Variants in WARS2 observed in about 807,000 individuals in gnomAD.
WARS2 encodes the protein tryptophanyl tRNA synthetase 2, mitochondrial.
Under a neutral mutation model 36.5 loss-of-function variants are expected in WARS2, and 28 were observed. The ratio of observed to expected loss-of-function variants is 0.77; its 90% CI spans 0.57 to 1.05. WARS2 has a LOEUF of 1.05. Among genes scored for constraint, WARS2 ranks in the 50% least tolerant of loss-of-function variants. WARS2 has a pLI of 0.00. For synonymous variants in WARS2, 174 were observed against 178.4 expected, an observed-to-expected ratio of 0.98 and a Z score of 0.20; for missense variants, 435 against 456.8, an observed-to-expected ratio of 0.95 and a Z score of 0.44.
intron 1 of WARS2, among the ~76,000 whole-genome samples, chr1:119,118,222 T>C (rs1362531610): frequency 6.6e-6 from 1 of 151,950 alleles, no homozygotes; most frequent in South Asian, 2.1e-4. Flanking sequence ...TAAATAGATA[T>C]GGTAAAGAAA....
chr1:119,085,889 C>T, intron 1 of WARS2: 1 of 1,610,610 alleles, frequency 6.2e-7, no homozygotes, highest in Non-Finnish European at 8.5e-7. Flanking sequence ...CCTTATCGGC[C>T]ACCCCAAGCT....
At chr1:119,103,687 A>G (rs1285896127) in intron 1 of WARS2, among the ~76,000 whole-genome samples, 1 of 151,892 alleles carries the variant, frequency 6.6e-6, no homozygotes, top group African/African-American at 2.4e-5. Flanking sequence ...AACTATATAA[A>G]TTAAAAGGTA....
At chr1:119,056,332 T>G (rs1649807284) in intron 2 of WARS2, among the ~76,000 whole-genome samples, 1 of 151,134 alleles carries the variant, frequency 6.6e-6, no homozygotes, top group African/African-American at 2.4e-5. Flanking sequence ...CCATCACGCC[T>G]GGCCCATACC....
chr1:119,091,597 C>G (rs1410108247), intron 1 of WARS2, among the ~76,000 whole-genome samples: 1 of 152,160 alleles, frequency 6.6e-6, no homozygotes, highest in Non-Finnish European at 1.5e-5. Flanking sequence ...TCTTACACTG[C>G]TCACGCTAAA....
chr1:119,046,318 G>T (rs1571268431), intron 2 of WARS2, among the ~76,000 whole-genome samples: 6 of 107,536 alleles, frequency 5.6e-5, no homozygotes, highest in South Asian at 3.4e-4. Context: ...TTAAGAAGAA[G>T]TCTAATCAGC....
chr1:119,047,988 T>C (rs1649001027), intron 2 of WARS2, among the ~76,000 whole-genome samples: 2 of 152,224 alleles, frequency 1.3e-5, no homozygotes, highest in South Asian at 2.1e-4. Flanking sequence ...GTACATTGCA[T>C]GTCCTGAGAC....
intron 2 of WARS2, among the ~76,000 whole-genome samples, chr1:119,059,153 G>A (rs1320786269): frequency 6.6e-6 from 1 of 151,456 alleles, no homozygotes; most frequent in Non-Finnish European, 1.5e-5. Context: ...TTTTGATGGG[G>A]TTGTTTTTTT....
intron 1 of WARS2, among the ~76,000 whole-genome samples, chr1:119,123,255 A>G (rs1445911343): frequency 3.9e-5 from 6 of 152,332 alleles, no homozygotes; most frequent in African/African-American, 1.4e-4. Flanking sequence ...CTTGTGTTTT[A>G]AAGAACTGCC....
At chr1:119,067,129 C>CAA (rs11407481) in intron 2 of WARS2, among the ~76,000 whole-genome samples, 3 of 151,824 alleles carry the variant, frequency 2.0e-5, no homozygotes, top group Non-Finnish European at 4.4e-5. Flanking sequence ...ACATTGTACA[C>CAA]AAAAAATAGA....
chr1:119,052,109 T>A (rs1649416161), intron 2 of WARS2, among the ~76,000 whole-genome samples: 1 of 152,136 alleles, frequency 6.6e-6, no homozygotes, highest in Non-Finnish European at 1.5e-5. Flanking sequence ...AATATTTTTT[T>A]AATTTCAAAA....
rs1647521381 is a variant in WARS2 at position 119,032,651 on chromosome 1, G to A, written c.*260C>T. 2 of 484,270 alleles carry A rather than the reference G, an allele frequency of 4.1e-6. No homozygotes were observed. Among genetic ancestry groups the A allele is most frequent in the Non-Finnish European group, 7.3e-6 (2 of 273,504 alleles). The allele number at this position is 484,270 out of a possible 1,614,324, so 30.0% of individuals were successfully genotyped here. On this transcript the variant is annotated 3_prime_UTR_variant, in exon 6 of 6. Transcript: ENST00000235521. ...CACATTTCTGCAGGCCAAGGAGTGTGCCTCAATAATTGGGGATTCAGACAG... is the reference window on the plus strand; with the variant it reads ...CACATTTCTGCAGGCCAAGGAGTGTACCTCAATAATTGGGGATTCAGACAG...
chr1:119,097,432 T>C (rs1653518654), intron 1 of WARS2, among the ~76,000 whole-genome samples: 3 of 152,358 alleles, frequency 2.0e-5, no homozygotes, highest in South Asian at 2.1e-4. Flanking sequence ...ATGAATTGTA[T>C]ACTTCTTTTA....
chr1:119,115,097 C>A (rs6428793), intron 1 of WARS2, among the ~76,000 whole-genome samples: 2,295 of 152,288 alleles, frequency 0.015, 57 homozygotes, highest in African/African-American at 0.052. Flanking sequence ...GGCCCACTTA[C>A]AAACACTTAA....
chr1:119,065,560 A>T (rs1352323957), intron 2 of WARS2, among the ~76,000 whole-genome samples: 1 of 150,892 alleles, frequency 6.6e-6, no homozygotes, highest in East Asian at 1.9e-4. Flanking sequence ...GCTTGAATCC[A>T]GAAGGCAGAG....
intron 2 of WARS2, among the ~76,000 whole-genome samples, chr1:119,051,242 T>C (rs1649324286): frequency 6.6e-6 from 1 of 152,134 alleles, no homozygotes; most frequent in Non-Finnish European, 1.5e-5. Context: ...GTCCATGTGT[T>C]CTCATCATTT....
At chr1:119,116,965 A>AG (rs1223927591) in intron 1 of WARS2, among the ~76,000 whole-genome samples, 1 of 152,210 alleles carries the variant, frequency 6.6e-6, no homozygotes, top group Non-Finnish European at 1.5e-5. Flanking sequence ...CCAAAGGTTC[A>AG]GGCAGGCAGG....
chr1:119,046,963 T>C (rs1225053527), intron 2 of WARS2, among the ~76,000 whole-genome samples: 1 of 152,206 alleles, frequency 6.6e-6, no homozygotes, highest in Non-Finnish European at 1.5e-5. Flanking sequence ...CTCATTTTTT[T>C]CCTCAAGTTA....
At chr1:119,067,819 T>G (rs1366809480) in intron 2 of WARS2, among the ~76,000 whole-genome samples, 1 of 152,124 alleles carries the variant, frequency 6.6e-6, no homozygotes, top group East Asian at 1.9e-4. Context: ...CTATTTTTTT[T>G]TTTTCACTAC....
intron 1 of WARS2, among the ~76,000 whole-genome samples, chr1:119,102,204 T>G (rs1404744935): frequency 2.0e-5 from 3 of 152,242 alleles, no homozygotes; most frequent in African/African-American, 7.2e-5. Flanking sequence ...ACAACAGTCA[T>G]GAAATAGTAA....
Sources: gnomAD v4.1 joint callset for allele counts (sites outside exome capture counted in the v4.1 genomes callset) on GRCh38, gnomAD v4.1.1 for gene constraint, MANE v1.5 for transcripts, NCBI Gene and HGNC (gene_info 2026-07-23, HGNC 2026-07-21) for gene names.